Variants in STKLD1 observed in about 807,000 individuals in gnomAD.
STKLD1 encodes serine/threonine kinase-like domain-containing protein STKLD1.
A neutral mutation model predicts 80.4 loss-of-function variants in STKLD1; 79 were observed. The observed-to-expected ratio is 0.98, with a 90% CI of 0.82 to 1.19. The LOEUF (loss-of-function observed/expected upper bound fraction) is 1.19. STKLD1 is among the 50% of genes most tolerant of loss of function. The probability of loss-of-function intolerance (pLI) is 0.00; values close to 1 mark genes in which losing one functional copy is unlikely to be tolerated. For synonymous variants in STKLD1, 393 were observed against 357.6 expected, an observed-to-expected ratio of 1.10 and a Z score of -1.12; for missense variants, 841 against 856.0, an observed-to-expected ratio of 0.98 and a Z score of 0.22.
At chr9:133,387,164 A>G (rs1405886558) in intron 4 of STKLD1, among the ~76,000 whole-genome samples, 1 of 152,150 alleles carries the variant, frequency 6.6e-6, no homozygotes, top group Admixed American at 6.5e-5. Context: ...GTCCAAGCAG[A>G]GGGGTCCATG....
At position 133,405,451 on chromosome 9, in the gene STKLD1, ACG is replaced by A; in HGVS notation, c.*31_*32del. 1 of 1,564,512 alleles carries A rather than the reference ACG, an allele frequency of 6.4e-7. No individual in the cohort carries two copies. The highest frequency in any genetic ancestry group is 2.3e-5 in the East Asian group (1 of 44,074). On this transcript the variant is annotated 3_prime_UTR_variant, in exon 18 of 18. Coordinates refer to ENST00000371957, the MANE Select transcript of STKLD1 (RefSeq NM_153710.5). ...TTGTATGGAACTGACCTTGATCTCC[ACG>A]TGTATAGTTTTCAAGACTGCTCTCC...
chr9:133,394,525 A>G lies in STKLD1; in HGVS notation c.702+116A>G. On this transcript the variant is annotated intron_variant, in intron 8 of 17. Transcript: ENST00000371957. This position sits in a 1 kb window ranked among gnomAD's most constrained non-coding sequence, Gnocchi z 4.9. ...TGCATCCCTTCCCCTGGCTCTCTGC[A>G]GGCTGCACAGAGCCCTCTTCTCCAC... 1.3e-6 allele frequency: 1 copy of G among 775,500 alleles called. No homozygotes were observed. The highest frequency in any genetic ancestry group is 1.5e-5 in the South Asian group (1 of 66,756). The allele number at this position is 775,500 out of a possible 1,614,324, so 48.0% of individuals were successfully genotyped here.
intron 5 of STKLD1, chr9:133,388,829 CTT>C: frequency 1.0e-6 from 1 of 985,432 alleles, no homozygotes; most frequent in Non-Finnish European, 1.2e-6. Context: ...GCACACAGCT[CTT>C]CTCTTACCAT....
rs1035426791 is a variant in STKLD1, at chr9:133,390,468, A to G, written c.468-213A>G. ...CCCCCGATTTAAAATAATTGAGTAT[A>G]TTTCTGTACATAGGAAACAACTGCT... is the stretch of plus-strand genomic sequence containing the variant. On this transcript the variant is annotated intron_variant, in intron 6 of 17. Coordinates refer to ENST00000371957, the MANE Select transcript of STKLD1 (RefSeq NM_153710.5). This position sits in a 1 kb window ranked among gnomAD's most constrained non-coding sequence, Gnocchi z 5.1. Among the ~76,000 whole-genome samples, 1 of 152,114 alleles carries G rather than the reference A, an allele frequency of 6.6e-6. No homozygotes were observed. Among genetic ancestry groups the G allele is most frequent in the Non-Finnish European group, 1.5e-5 (1 of 68,038 alleles).
intron 2 of STKLD1, among the ~76,000 whole-genome samples, chr9:133,382,413 G>A (rs1056869258): frequency 6.6e-6 from 1 of 152,210 alleles, no homozygotes; most frequent in African/African-American, 2.4e-5. Context: ...GTGGGGGCAG[G>A]AATGGTGGGA....
chr9:133,385,548 G>C lies in STKLD1; in HGVS notation c.220-69G>C. On this transcript the variant is annotated intron_variant, in intron 3 of 17. Transcript: ENST00000371957. The surrounding 1 kb of genome is among the most constrained non-coding windows in gnomAD (Gnocchi z 4.9). ...TGCATGTTTGTTGGGATGTGTGACA[G>C]AGAAGCCCGAGCTGAGAAAGGCGTG... 2.7e-6 allele frequency: 4 copies of C among 1,501,384 alleles called. No homozygotes were observed. The highest frequency in any genetic ancestry group is 1.7e-4 in the Middle Eastern group (1 of 5,836). 93.0% of individuals were successfully genotyped at this position (1,501,384 alleles called of 1,614,324 possible). A position where few individuals can be genotyped will look rare whatever the true frequency, so the allele number is the denominator to read the frequency against.
In STKLD1 at chr9:133,397,349, T is replaced by TGGCATC; in HGVS notation, c.997+56_997+61dup. 1.9e-6 allele frequency: 3 copies of TGGCATC among 1,603,910 alleles called. No homozygotes were observed. The South Asian group carries it at 3.3e-5, about 18-fold the overall frequency. On this transcript the variant is annotated intron_variant, in intron 10 of 17. Transcript: ENST00000371957. ...GCCCTGAAGCTCCTGTCCATGGCCT[T>TGGCATC]GGCATCCTATTGTTTAGTTCCAGAG...
In STKLD1 at chr9:133,390,879, G is replaced by A; in HGVS notation, c.583+83G>A. 9.9e-7 allele frequency: 1 copy of A among 1,011,880 alleles called. No individual in the cohort carries two copies. The highest frequency in any genetic ancestry group is 1.8e-5 in the Admixed American group (1 of 56,846). 62.7% of individuals were successfully genotyped at this position (1,011,880 alleles called of 1,614,324 possible). On this transcript the variant is annotated intron_variant, in intron 7 of 17. Coordinates refer to ENST00000371957, the MANE Select transcript of STKLD1 (RefSeq NM_153710.5). The surrounding 1 kb of genome is among the most constrained non-coding windows in gnomAD (Gnocchi z 5.1). Reference sequence around the variant, plus strand: ...CGTTGGCCACTCTGGGTGCTGGAGTGAGGCAACATCAAACAGCTGTTTGCT... The same window carrying A: ...CGTTGGCCACTCTGGGTGCTGGAGTAAGGCAACATCAAACAGCTGTTTGCT...
intron 4 of STKLD1, 107 bp from the exon 5 acceptor site, chr9:133,387,340 C>T (rs1194933006): frequency 6.2e-6 from 5 of 811,916 alleles, no homozygotes; most frequent in African/African-American, 3.4e-5. Context: ...AGTGCTCCCA[C>T]GGCCACTGCA....
chr9:133,403,071 C>T lies in STKLD1; in HGVS notation c.1474+59C>T, dbSNP rs587650132. On this transcript the variant is annotated intron_variant, in intron 14 of 17. Coordinates refer to ENST00000371957, the MANE Select transcript of STKLD1 (RefSeq NM_153710.5). ...CTGGCAGCCCTCCCCCAGCCCCTCC[C>T]TAACTGCCCCTGAGAGCCTTCGAGG... The T allele has an allele frequency of 4.0e-6, 6 of 1,505,558 alleles. No individual in the cohort carries two copies. In the African/African-American group the frequency reaches 6.9e-5, roughly 17 times the overall value. The allele number at this position is 1,505,558 out of a possible 1,614,324, so 93.3% of individuals were successfully genotyped here.
chr9:133,397,402 C>T, intron 10 of STKLD1, 108 bp downstream of exon 10: 3 of 1,447,774 alleles, frequency 2.1e-6, no homozygotes, highest in Non-Finnish European at 2.8e-6. Flanking sequence ...CCTGGCCTTG[C>T]TCCACATGCA....
chr9:133,385,534 T>A lies in STKLD1; in HGVS notation c.220-83T>A. Reference sequence around the variant, plus strand: ...CAGAGCCCGAGGCTTGCATGTTTGTTGGGATGTGTGACAGAGAAGCCCGAG... The same window carrying A: ...CAGAGCCCGAGGCTTGCATGTTTGTAGGGATGTGTGACAGAGAAGCCCGAG... On this transcript the variant is annotated intron_variant, in intron 3 of 17. Transcript: ENST00000371957. The surrounding 1 kb of genome is among the most constrained non-coding windows in gnomAD (Gnocchi z 4.9). 7.3e-7 allele frequency: 1 copy of A among 1,379,244 alleles called. No homozygotes were observed. The allele number at this position is 1,379,244 out of a possible 1,614,324, so 85.4% of individuals were successfully genotyped here.
chr9:133,382,961 ATGG>A, intron 2 of STKLD1, among the ~76,000 whole-genome samples: 2 of 137,950 alleles, frequency 1.4e-5, no homozygotes, highest in Middle Eastern at 4.3e-3. Context: ...TGATGGTGTG[ATGG>A]TGGTGATGGT....
intron 7 of STKLD1, among the ~76,000 whole-genome samples, chr9:133,393,657 G>GGGGA (rs1554776302): frequency 6.9e-6 from 1 of 144,908 alleles, no homozygotes; most frequent in Non-Finnish European, 1.5e-5. Context: ...GGGTGGGTGG[G>GGGGA]TGGATGGATG....
At chr9:133,396,538 G>C (rs988629675) in intron 9 of STKLD1, among the ~76,000 whole-genome samples, 2 of 152,124 alleles carry the variant, frequency 1.3e-5, no homozygotes, top group African/African-American at 4.8e-5. Context: ...TGGATCACTT[G>C]AAGTCAGGTG....
chr9:133,383,278 G>GTAGTGA (rs1838185566), intron 2 of STKLD1, among the ~76,000 whole-genome samples: 4 of 9,678 alleles, frequency 4.1e-4, no homozygotes, highest in Non-Finnish European at 8.6e-4. Flanking sequence ...GGTGGTAATG[G>GTAGTGA]TGGTGGTGTG....
intron 7 of STKLD1, among the ~76,000 whole-genome samples, chr9:133,392,698 G>C: frequency 8.1e-6 from 1 of 123,920 alleles, no homozygotes; most frequent in African/African-American, 3.3e-5. Context: ...TAGGTGAGTG[G>C]ATGAGTGGAT....
chr9:133,380,314 G>T (rs1182124382), intron 2 of STKLD1, among the ~76,000 whole-genome samples: 2 of 152,050 alleles, frequency 1.3e-5, no homozygotes, highest in Admixed American at 1.3e-4. Flanking sequence ...CAAAGTGCTG[G>T]GATTACAGGC....
intron 13 of STKLD1, 90 bp downstream of exon 13, chr9:133,401,968 G>A: frequency 1.3e-6 from 2 of 1,530,600 alleles, no homozygotes; most frequent in Non-Finnish European, 1.8e-6. Context: ...GTATAGGTGG[G>A]TTGGACAGGA....
Sources: gnomAD v4.1 joint callset for allele counts (sites outside exome capture counted in the v4.1 genomes callset) on GRCh38, gnomAD v4.1.1 for gene constraint, Gnocchi (gnomAD v3.1) non-coding constraint, MANE v1.5 for transcripts, NCBI Gene and HGNC (gene_info 2026-07-23, HGNC 2026-07-21) for gene names.